The following RBMS3 variants were observed in gnomAD, a reference collection of about 807,000 sequenced individuals.
RBMS3 encodes the protein RNA-binding motif, single-stranded-interacting protein 3.
RBMS3 carries 27 observed loss-of-function variants against 66.8 expected under a neutral mutation model. That is an observed-to-expected ratio of 0.40 (90% confidence interval 0.30 to 0.56). The LOEUF (loss-of-function observed/expected upper bound fraction) is 0.56. RBMS3 is among the 20% of genes least tolerant of loss of function. RBMS3 has a pLI of 0.40. For synonymous variants in RBMS3, 188 were observed against 183.0 expected (o/e 1.03, Z -0.22); for missense variants, 513 against 549.5 (o/e 0.93, Z 0.66).
intron 6 of RBMS3, among the ~76,000 whole-genome samples, chr3:29,799,911 T>C (rs535036919): frequency 1.4e-4 from 22 of 152,242 alleles, no homozygotes; most frequent in Non-Finnish European, 1.9e-4. Flanking sequence ...GTGGGAAAAG[T>C]TAGCTGGTAT....
intron 2 of RBMS3, among the ~76,000 whole-genome samples, chr3:29,466,373 A>T (rs1329894711): frequency 1.3e-5 from 2 of 152,080 alleles, no homozygotes; most frequent in African/African-American, 4.8e-5. Context: ...AACTCTCCAA[A>T]ATGCTTTAAT....
rs1299447722 is a variant in RBMS3, at chr3:29,991,086, T to A, written c.1184T>A (p.Val395Asp). The stretch of plus-strand genomic sequence containing the variant: ...TGTTCTTATTTGCCTCCTTAGGGTG[T>A]TGTTGCTGATACCTCTCCCCAGACA... Reference protein sequence around the residue: ...VPPTAVSIEGVVADTSPQTVA... With the variant: ...VPPTAVSIEGDVADTSPQTVA... The change falls in exon 14 of 15, where the codon GTT (valine) becomes GAT (aspartate). Residue 395 changes from valine (V) to aspartate (D), a missense_variant. Coordinates refer to ENST00000383767, the MANE Select transcript of RBMS3 (RefSeq NM_001003793.3). 4 of 1,614,106 alleles carry A rather than the reference T, an allele frequency of 2.5e-6. No individual in the cohort carries two copies. Among genetic ancestry groups the A allele is most frequent in the Non-Finnish European group, 3.4e-6 (4 of 1,180,016 alleles).
At chr3:29,342,590 C>T (rs757827603) in intron 1 of RBMS3, among the ~76,000 whole-genome samples, 5 of 152,058 alleles carry the variant, frequency 3.3e-5, no homozygotes, top group Non-Finnish European at 5.9e-5. Flanking sequence ...CAATGGATAA[C>T]ATATAGTATA....
intron 3 of RBMS3, among the ~76,000 whole-genome samples, chr3:29,515,277 GTT>G (rs1320110278): frequency 6.6e-6 from 1 of 152,182 alleles, no homozygotes; most frequent in Non-Finnish European, 1.5e-5. Flanking sequence ...ATGGCAGAAA[GTT>G]GTTGAAGTGC....
intron 4 of RBMS3, among the ~76,000 whole-genome samples, chr3:29,715,128 T>C (rs2149312457): frequency 6.6e-6 from 1 of 152,278 alleles, no homozygotes; most frequent in Non-Finnish European, 1.5e-5. Context: ...TTCCAGAAGG[T>C]GATTTCCCTG....
intron 6 of RBMS3, among the ~76,000 whole-genome samples, chr3:29,771,280 C>T (rs2056187882): frequency 6.6e-6 from 1 of 151,994 alleles, no homozygotes; most frequent in Admixed American, 6.6e-5. Context: ...TCCCATTAGA[C>T]TGTAGGTTTT....
At chr3:29,623,828 G>A (rs2149161489) in intron 4 of RBMS3, among the ~76,000 whole-genome samples, 1 of 152,232 alleles carries the variant, frequency 6.6e-6, no homozygotes, top group East Asian at 1.9e-4. Context: ...AATAGATAAT[G>A]GAAAGATAAC....
At chr3:29,636,435 AAT>A (rs2049476602) in intron 4 of RBMS3, among the ~76,000 whole-genome samples, 1 of 151,928 alleles carries the variant, frequency 6.6e-6, no homozygotes, top group Admixed American at 6.6e-5. Flanking sequence ...ACAGCCAATA[AAT>A]GGCTGTCACT....
intron 12 of RBMS3, among the ~76,000 whole-genome samples, chr3:29,956,403 CT>C (rs1328754224): frequency 1.3e-5 from 2 of 152,092 alleles, no homozygotes; most frequent in African/African-American, 4.8e-5. Flanking sequence ...TCCTCGCTAT[CT>C]TCTCTCCAAC....
At chr3:29,388,111 A>ACACACACG (rs1491427389) in intron 1 of RBMS3, among the ~76,000 whole-genome samples, 1 of 140,020 alleles carries the variant, frequency 7.1e-6, no homozygotes, top group African/African-American at 3.2e-5. Context: ...ACACACACAC[A>ACACACACG]TGTGTGTGTA....
At chr3:29,296,162 G>A (rs1256438102) in intron 1 of RBMS3, among the ~76,000 whole-genome samples, 1 of 151,704 alleles carries the variant, frequency 6.6e-6, no homozygotes, top group Non-Finnish European at 1.5e-5. Flanking sequence ...CTCATTACTT[G>A]GGGGCTGCTC....
chr3:29,407,440 A>G (rs960487030), intron 1 of RBMS3, among the ~76,000 whole-genome samples: 3 of 152,202 alleles, frequency 2.0e-5, no homozygotes, highest in Admixed American at 2.0e-4. Context: ...GATCTTTCTT[A>G]TCAATCTACT....
chr3:29,663,970 T>C (rs2050656326), intron 4 of RBMS3, among the ~76,000 whole-genome samples: 1 of 152,206 alleles, frequency 6.6e-6, no homozygotes, highest in African/African-American at 2.4e-5. Flanking sequence ...TTATCTATTA[T>C]TGTAAACCTT....
chr3:29,308,746 C>CAAAAAAAAAAAAAAAAAAAA (rs746069017), intron 1 of RBMS3, among the ~76,000 whole-genome samples: 1 of 18,806 alleles, frequency 5.3e-5, no homozygotes, highest in Non-Finnish European at 1.2e-4. Context: ...TAAAAAAAAA[C>CAAAAAAAAAAAAAAAAAAAA]AAAAAAAAAC....
At chr3:29,627,362 T>C (rs1463333534) in intron 4 of RBMS3, among the ~76,000 whole-genome samples, 1 of 151,934 alleles carries the variant, frequency 6.6e-6, no homozygotes, top group Non-Finnish European at 1.5e-5. Context: ...TCAGCACTAT[T>C]GGCATTTGAG....
chr3:29,472,911 C>T (rs2042791043), intron 2 of RBMS3, among the ~76,000 whole-genome samples: 1 of 151,998 alleles, frequency 6.6e-6, no homozygotes, highest in Non-Finnish European at 1.5e-5. Context: ...TATCTGGCCC[C>T]ACCCACATCC....
At chr3:29,828,985 T>A (rs1322848474) in intron 6 of RBMS3, among the ~76,000 whole-genome samples, 42 of 20,568 alleles carry the variant, frequency 2.0e-3, no homozygotes, top group South Asian at 8.0e-3. Context: ...TGACTTTCTT[T>A]CTTTCTTTCT....
At chr3:29,857,167 T>C (rs1016876359) in intron 6 of RBMS3, among the ~76,000 whole-genome samples, 1 of 152,194 alleles carries the variant, frequency 6.6e-6, no homozygotes, top group African/African-American at 2.4e-5. Flanking sequence ...GTTCACTGCA[T>C]CCTGGGAATT....
chr3:29,607,017 C>T (rs1464346626), intron 4 of RBMS3, among the ~76,000 whole-genome samples: 1 of 151,902 alleles, frequency 6.6e-6, no homozygotes, highest in East Asian at 1.9e-4. Context: ...GTACTGTTTG[C>T]TTCACAGTTT....
Sources: allele counts gnomAD v4.1 joint callset (sites outside exome capture counted in the v4.1 genomes callset), GRCh38; gene constraint gnomAD v4.1.1; transcripts MANE v1.5; gene names NCBI Gene and HGNC (gene_info 2026-07-23, HGNC 2026-07-21).